Variants in PTPRD observed in about 807,000 individuals in gnomAD.
The protein encoded by PTPRD is protein tyrosine phosphatase receptor type D.
PTPRD carries 34 observed loss-of-function variants against 214.5 expected under a neutral mutation model. The observed-to-expected ratio is 0.16, with a 90% CI of 0.12 to 0.21. The LOEUF is 0.21. Among genes scored for constraint, PTPRD ranks in the 10% least tolerant of loss-of-function variants. The pLI, the probability that PTPRD is intolerant of heterozygous loss-of-function variation, is 1.00. For synonymous variants in PTPRD, 1,128 were observed against 845.7 expected (o/e 1.33, Z -5.79); for missense variants, 2,545 against 2,398.7 (o/e 1.06, Z -1.27).
chr9:10,427,022 T>TTCACAAAA (rs1451926594), intron 2 of PTPRD, among the ~76,000 whole-genome samples: 2 of 152,102 alleles, frequency 1.3e-5, no homozygotes, highest in Non-Finnish European at 2.9e-5. Flanking sequence ...ACAAAAGATC[T>TTCACAAAA]GTATTATTGC....
intron 2 of PTPRD, among the ~76,000 whole-genome samples, chr9:10,525,950 C>A (rs191361091): frequency 6.6e-5 from 10 of 151,934 alleles, no homozygotes; most frequent in East Asian, 5.8e-4. Context: ...TAACCTCATG[C>A]GGTTATTTAC....
chr9:10,010,228 C>T (rs563044686), intron 4 of PTPRD, among the ~76,000 whole-genome samples: 37 of 151,936 alleles, frequency 2.4e-4, no homozygotes, highest in Non-Finnish European at 4.3e-4. Flanking sequence ...CTCCAAACAC[C>T]ATGACCTCAG....
chr9:9,984,138 A>C (rs1025873078), intron 4 of PTPRD, among the ~76,000 whole-genome samples: 1 of 149,810 alleles, frequency 6.7e-6, no homozygotes, highest in African/African-American at 2.5e-5. Context: ...ATAAGTGAAT[A>C]AAAATAATAA....
At chr9:9,838,387 A>C (rs888380983) in intron 5 of PTPRD, among the ~76,000 whole-genome samples, 5 of 152,000 alleles carry the variant, frequency 3.3e-5, no homozygotes, top group African/African-American at 1.2e-4. Flanking sequence ...TCCCACCAAC[A>C]GTGTAAAAGT....
At chr9:9,505,631 A>T (rs1173730488) in intron 8 of PTPRD, among the ~76,000 whole-genome samples, 1 of 151,498 alleles carries the variant, frequency 6.6e-6, no homozygotes, top group Non-Finnish European at 1.5e-5. Flanking sequence ...GCATTCTATG[A>T]TAGGTGGCAA....
intron 2 of PTPRD, among the ~76,000 whole-genome samples, chr9:10,451,069 A>T (rs1288711852): frequency 6.6e-6 from 1 of 151,976 alleles, no homozygotes; most frequent in Non-Finnish European, 1.5e-5. Flanking sequence ...CTGCATTTTT[A>T]TGTTTTTAGT....
At chr9:9,207,521 C>T (rs1487099772) in intron 9 of PTPRD, among the ~76,000 whole-genome samples, 1 of 151,886 alleles carries the variant, frequency 6.6e-6, no homozygotes, top group Admixed American at 6.6e-5. Flanking sequence ...GACAAAACTC[C>T]CAAAATCTGA....
chr9:10,607,546 C>T (rs2079776704), intron 2 of PTPRD, among the ~76,000 whole-genome samples: 1 of 151,674 alleles, frequency 6.6e-6, no homozygotes. Flanking sequence ...CTATATTTTA[C>T]AATTTAAAAA....
intron 11 of PTPRD, among the ~76,000 whole-genome samples, chr9:8,933,274 G>A (rs2098965801): frequency 1.4e-5 from 2 of 147,464 alleles, no homozygotes; most frequent in African/African-American, 5.0e-5. Flanking sequence ...CTTCTTCATT[G>A]GTATCGCTGG....
chr9:8,554,679 C>G (rs73430464), intron 14 of PTPRD, among the ~76,000 whole-genome samples: 1 of 151,948 alleles, frequency 6.6e-6, no homozygotes, highest in South Asian at 2.1e-4. Context: ...AATGGTTCTG[C>G]TAAAAAACAG....
chr9:9,055,660 T>C (rs1477442786), intron 10 of PTPRD, among the ~76,000 whole-genome samples: 1 of 151,966 alleles, frequency 6.6e-6, no homozygotes, highest in African/African-American at 2.4e-5. Flanking sequence ...TAATTTGAGT[T>C]GATTCAACAG....
intron 12 of PTPRD, among the ~76,000 whole-genome samples, chr9:8,660,372 G>A (rs969104426): frequency 2.0e-5 from 3 of 152,212 alleles, no homozygotes; most frequent in East Asian, 1.9e-4. Context: ...GGCTCCGTTC[G>A]TAACAGTGCT....
At chr9:8,654,041 C>T (rs2096863556) in intron 12 of PTPRD, among the ~76,000 whole-genome samples, 3 of 152,170 alleles carry the variant, frequency 2.0e-5, no homozygotes, top group Admixed American at 2.0e-4. Context: ...AGAGCCTGTC[C>T]TGTGCATTGC....
chr9:9,905,117 C>A (rs913247849), intron 5 of PTPRD, among the ~76,000 whole-genome samples: 16 of 152,082 alleles, frequency 1.1e-4, no homozygotes, highest in African/African-American at 3.6e-4. Flanking sequence ...CCTTCCCATG[C>A]CTGAACTTAG....
chr9:8,399,971 A>T (rs1200860764), intron 36 of PTPRD, among the ~76,000 whole-genome samples: 1 of 152,190 alleles, frequency 6.6e-6, no homozygotes, highest in Non-Finnish European at 1.5e-5. Flanking sequence ...TTGGGCCTCC[A>T]TAACATGGTG....
intron 12 of PTPRD, chr9:8,713,502 TG>T: frequency 8.7e-7 from 1 of 1,155,484 alleles, no homozygotes; most frequent in Non-Finnish European, 1.3e-6. Context: ...CTGTCTACTG[TG>T]GTCAGGTGTT....
intron 3 of PTPRD, among the ~76,000 whole-genome samples, chr9:10,293,792 G>A (rs16925740): frequency 0.082 from 12,450 of 151,990 alleles, 622 homozygotes; most frequent in Non-Finnish European, 0.11. Flanking sequence ...TGTCTCCAGA[G>A]TGACTGCTGA....
At chr9:9,239,924 G>A (rs2099969518) in intron 9 of PTPRD, among the ~76,000 whole-genome samples, 1 of 152,158 alleles carries the variant, frequency 6.6e-6, no homozygotes, top group Non-Finnish European at 1.5e-5. Flanking sequence ...AACCCAGGAT[G>A]ACTAGAGGTG....
chr9:9,411,325 G>A (rs1177183781), intron 8 of PTPRD, among the ~76,000 whole-genome samples: 1 of 132,792 alleles, frequency 7.5e-6, no homozygotes, highest in African/African-American at 2.9e-5. Context: ...TCATAAAATT[G>A]TGCCTTCTAA....
Sources: allele counts gnomAD v4.1 joint callset (sites outside exome capture counted in the v4.1 genomes callset), GRCh38; gene constraint gnomAD v4.1.1; transcripts MANE v1.5; gene names NCBI Gene and HGNC (gene_info 2026-07-23, HGNC 2026-07-21).